WWOX: variants seen among roughly 807,000 people sequenced by gnomAD.
WWOX encodes the protein WW domain-containing oxidoreductase.
WWOX carries 69 observed loss-of-function variants against 46.2 expected under a neutral mutation model. The ratio of observed to expected loss-of-function variants is 1.49; its 90% CI spans 1.23 to 1.82. WWOX has a LOEUF of 1.82. Ranked by LOEUF, WWOX falls within the 40% of genes most tolerant of loss-of-function variation. The probability of loss-of-function intolerance (pLI) is 0.00; values close to 1 mark genes in which losing one functional copy is unlikely to be tolerated. For missense variants in WWOX, 919 were observed against 542.6 expected (o/e 1.69, Z -6.89); for synonymous variants, 359 against 202.6 (o/e 1.77, Z -6.56).
chr16:79,039,273 C>G (rs967001703), intron 8 of WWOX, among the ~76,000 whole-genome samples: 1 of 152,044 alleles, frequency 6.6e-6, no homozygotes, highest in Non-Finnish European at 1.5e-5. Flanking sequence ...GTGCATAAGC[C>G]ATTAACCTCT....
At chr16:78,391,845 C>T (rs1331990607) in intron 6 of WWOX, among the ~76,000 whole-genome samples, 1 of 152,138 alleles carries the variant, frequency 6.6e-6, no homozygotes, top group African/African-American at 2.4e-5. Context: ...AAACAAATTA[C>T]TCCAAAATTT....
intron 5 of WWOX, among the ~76,000 whole-genome samples, chr16:78,319,063 T>C (rs1203531654): frequency 6.6e-6 from 1 of 152,136 alleles, no homozygotes; most frequent in Non-Finnish European, 1.5e-5. Context: ...TTGGGCACAG[T>C]GTAATTGCCA....
At chr16:79,197,858 T>C (rs953553736) in intron 8 of WWOX, among the ~76,000 whole-genome samples, 98 of 152,274 alleles carry the variant, frequency 6.4e-4, no homozygotes, top group African/African-American at 2.3e-3. Context: ...AGGGATCTTG[T>C]GTCCTGATAT....
intron 8 of WWOX, among the ~76,000 whole-genome samples, chr16:78,586,191 T>G (rs1371901458): frequency 6.6e-6 from 1 of 152,110 alleles, no homozygotes; most frequent in East Asian, 1.9e-4. Context: ...ACCCTGTTTC[T>G]TAAGAAAAAA....
intron 8 of WWOX, among the ~76,000 whole-genome samples, chr16:78,801,830 A>G (rs80231866): frequency 0.011 from 1,678 of 152,288 alleles, 32 homozygotes; most frequent in African/African-American, 0.039. Flanking sequence ...AAGATATACA[A>G]TTTAAACTGA....
intron 1 of WWOX, among the ~76,000 whole-genome samples, chr16:78,102,532 G>A (rs987017483): frequency 2.6e-5 from 4 of 152,214 alleles, no homozygotes; most frequent in Non-Finnish European, 5.9e-5. Context: ...CAGGGACGGA[G>A]GCAAGCTCCT....
intron 8 of WWOX, among the ~76,000 whole-genome samples, chr16:79,210,266 C>G (rs1029776004): frequency 6.6e-6 from 1 of 152,220 alleles, no homozygotes. Context: ...AAACCCAAGT[C>G]TGCCTTATGG....
At chr16:78,844,584 T>C (rs1353174398) in intron 8 of WWOX, among the ~76,000 whole-genome samples, 2 of 152,086 alleles carry the variant, frequency 1.3e-5, no homozygotes, top group African/African-American at 4.8e-5. Flanking sequence ...CAACAGCACA[T>C]GTGGAGGGAA....
intron 8 of WWOX, among the ~76,000 whole-genome samples, chr16:78,583,369 C>A (rs2045112340): frequency 6.6e-6 from 1 of 152,180 alleles, no homozygotes; most frequent in Non-Finnish European, 1.5e-5. Flanking sequence ...TTCATGTACC[C>A]ATTCTAGAAC....
At chr16:78,159,021 A>G (rs1438802992) in intron 4 of WWOX, among the ~76,000 whole-genome samples, 2 of 152,012 alleles carry the variant, frequency 1.3e-5, no homozygotes, top group South Asian at 2.1e-4. Context: ...AAATTGTATC[A>G]TGTAGTATTT....
At chr16:78,944,668 C>G (rs993197886) in intron 8 of WWOX, among the ~76,000 whole-genome samples, 1 of 152,064 alleles carries the variant, frequency 6.6e-6, no homozygotes, top group Non-Finnish European at 1.5e-5. Flanking sequence ...TGCGGAGATT[C>G]GAGCATGTGG....
intron 8 of WWOX, among the ~76,000 whole-genome samples, chr16:78,618,852 G>A (rs1371951466): frequency 6.6e-6 from 1 of 151,734 alleles, no homozygotes; most frequent in Non-Finnish European, 1.5e-5. Flanking sequence ...CCAGCTGACA[G>A]GCTATACGCG....
intron 8 of WWOX, among the ~76,000 whole-genome samples, chr16:78,687,628 C>A: frequency 6.6e-6 from 1 of 152,174 alleles, no homozygotes; most frequent in South Asian, 2.1e-4. Flanking sequence ...TAATGGTTAT[C>A]TATAGCTCAG....
intron 8 of WWOX, among the ~76,000 whole-genome samples, chr16:78,784,067 T>C (rs944480659): frequency 2.0e-5 from 3 of 152,194 alleles, no homozygotes; most frequent in African/African-American, 7.2e-5. Context: ...ACAGATACCA[T>C]GTACTGAGCA....
intron 5 of WWOX, among the ~76,000 whole-genome samples, chr16:78,366,051 C>A (rs773328460): frequency 1.3e-5 from 2 of 152,156 alleles, no homozygotes; most frequent in African/African-American, 4.8e-5. Context: ...ATACATCTTT[C>A]GGCCCATTGG....
At position 78,507,482 on chromosome 16, in the gene WWOX, C is replaced by T. The variant is rs534933881; in HGVS notation, c.1056+74730C>T. 4.4e-4 allele frequency among the ~76,000 whole-genome samples: 67 copies of T among 152,292 alleles called. 1 individual carries two copies. The highest frequency in any genetic ancestry group is 1.5e-3 in the African/African-American group (61 of 41,570). ...GTAACACTTTAGAATACTTCCACTC[C>T]GGTTGGTCCATAAAAAGCTGCCTGT... On this transcript the variant is annotated intron_variant, in intron 8 of 8. Coordinates refer to ENST00000566780, the MANE Select transcript of WWOX (RefSeq NM_016373.4).
intron 8 of WWOX, among the ~76,000 whole-genome samples, chr16:79,192,548 A>G (rs929652452): frequency 1.3e-5 from 2 of 152,176 alleles, no homozygotes; most frequent in South Asian, 2.1e-4. Context: ...TAAGGTCTCT[A>G]TTGGTCAAGG....
chr16:78,276,834 C>G (rs1180067141), intron 5 of WWOX, among the ~76,000 whole-genome samples: 2 of 152,204 alleles, frequency 1.3e-5, no homozygotes, highest in Non-Finnish European at 2.9e-5. Flanking sequence ...TGGGCCATCT[C>G]TCCTTGTCCC....
At chr16:78,866,671 G>A (rs534143691) in intron 8 of WWOX, among the ~76,000 whole-genome samples, 5 of 152,302 alleles carry the variant, frequency 3.3e-5, no homozygotes, top group East Asian at 1.9e-4. Flanking sequence ...GGCTTGCAAC[G>A]TAGCCTGATT....
Sources: allele counts gnomAD v4.1 joint callset (sites outside exome capture counted in the v4.1 genomes callset), GRCh38; gene constraint gnomAD v4.1.1; transcripts MANE v1.5; gene names NCBI Gene and HGNC (gene_info 2026-07-23, HGNC 2026-07-21).